DAPK1: variants seen among roughly 807,000 people sequenced by gnomAD.
DAPK1 encodes death-associated protein kinase 1.
Under a neutral mutation model 144.9 loss-of-function variants are expected in DAPK1, and 56 were observed. That is an observed-to-expected ratio of 0.39 (90% CI 0.31 to 0.48). The LOEUF is 0.48. Ranked by LOEUF, DAPK1 falls within the 20% of genes least tolerant of loss-of-function variation. The pLI is 0.95. For missense variants in DAPK1, 1,454 were observed against 1,875.4 expected (o/e 0.78, Z 4.15); for synonymous variants, 690 against 749.0 (o/e 0.92, Z 1.29).
intron 3 of DAPK1, among the ~76,000 whole-genome samples, chr9:87,616,362 A>C (rs1031562656): frequency 6.6e-6 from 1 of 152,184 alleles, no homozygotes; most frequent in Non-Finnish European, 1.5e-5. Flanking sequence ...GGCCCAATAC[A>C]TGGATGTCAA....
chr9:87,634,256 G>A (rs1364956247), intron 3 of DAPK1, among the ~76,000 whole-genome samples: 2 of 152,202 alleles, frequency 1.3e-5, no homozygotes, highest in Non-Finnish European at 2.9e-5. Context: ...AAGTTTGGCA[G>A]GCCCTGTTAT....
At chr9:87,668,793 C>T (rs1831151814) in intron 19 of DAPK1, 119 bp downstream of exon 19, 1 of 745,288 alleles carries the variant, frequency 1.3e-6, no homozygotes, top group African/African-American at 1.7e-5. Context: ...GTTTTAGGAA[C>T]AGTGGTCCCT....
chr9:87,647,001 AAAT>A (rs1830290114), intron 13 of DAPK1, among the ~76,000 whole-genome samples: 1 of 152,264 alleles, frequency 6.6e-6, no homozygotes, highest in Admixed American at 6.5e-5. Flanking sequence ...TACAAACATA[AAAT>A]AATTGTTTAT....
chr9:87,617,997 A>G (rs1487350343), intron 3 of DAPK1, among the ~76,000 whole-genome samples: 1 of 152,174 alleles, frequency 6.6e-6, no homozygotes, highest in Non-Finnish European at 1.5e-5. Context: ...TCTGCCACAG[A>G]AAGAGCTTCT....
At chr9:87,538,589 A>C (rs1825937361) in intron 2 of DAPK1, among the ~76,000 whole-genome samples, 1 of 152,210 alleles carries the variant, frequency 6.6e-6, no homozygotes, top group Admixed American at 6.5e-5. Flanking sequence ...TAGAACAAAA[A>C]TTTGAACAGT....
Position 87,646,847 on chromosome 9 carries a change from T to A in DAPK1, c.1230+288T>A, listed in dbSNP as rs1830283964. ...CACATTTACTCAACAATGTTAGATGTCACACATGAAAAAGTTTTGTTATCT... is the reference window on the plus strand; with the variant it reads ...CACATTTACTCAACAATGTTAGATGACACACATGAAAAAGTTTTGTTATCT... On this transcript the variant is annotated intron_variant, in intron 13 of 25. Coordinates refer to ENST00000408954, the MANE Select transcript of DAPK1 (RefSeq NM_004938.4). Among the ~76,000 whole-genome samples the A allele has an allele frequency of 2.0e-5, 3 of 152,170 alleles. No homozygotes were observed. The South Asian group carries it at 6.2e-4, about 32-fold the overall frequency.
intron 3 of DAPK1, among the ~76,000 whole-genome samples, chr9:87,618,516 G>T (rs1485715276): frequency 1.3e-5 from 2 of 152,166 alleles, no homozygotes; most frequent in Admixed American, 1.3e-4. Context: ...TAGCCAAAAA[G>T]TGGAAACTAA....
chr9:87,592,435 T>C (rs1001790124), intron 2 of DAPK1, among the ~76,000 whole-genome samples: 17 of 152,224 alleles, frequency 1.1e-4, no homozygotes, highest in African/African-American at 4.1e-4. Context: ...TTCCACACTT[T>C]TTTGGAAGCA....
chr9:87,703,942 G>T (rs1825546673), intron 25 of DAPK1, among the ~76,000 whole-genome samples: 1 of 152,172 alleles, frequency 6.6e-6, no homozygotes, highest in Non-Finnish European at 1.5e-5. Context: ...AAGAAGAGCG[G>T]TTCTGAATAT....
intron 3 of DAPK1, chr9:87,632,527 TGAAG>T (rs1829734654): frequency 1.0e-6 from 1 of 975,430 alleles, no homozygotes; most frequent in African/African-American, 1.8e-5. Context: ...TATATAGAAA[TGAAG>T]GAAGATGAGT....
At chr9:87,517,822 C>T (rs919668961) in intron 2 of DAPK1, among the ~76,000 whole-genome samples, 5 of 152,146 alleles carry the variant, frequency 3.3e-5, no homozygotes, top group Non-Finnish European at 5.9e-5. Flanking sequence ...TGATGATTTT[C>T]CCCAAATCTA....
chr9:87,573,847 T>C (rs1827453148), intron 2 of DAPK1, among the ~76,000 whole-genome samples: 1 of 152,246 alleles, frequency 6.6e-6, no homozygotes, highest in Non-Finnish European at 1.5e-5. Context: ...GAAGGTTTCT[T>C]TAGAGATGTT....
intron 18 of DAPK1, among the ~76,000 whole-genome samples, chr9:87,661,130 G>A (rs1409216099): frequency 6.6e-6 from 1 of 152,286 alleles, no homozygotes; most frequent in Non-Finnish European, 1.5e-5. Flanking sequence ...GAGCCACCAC[G>A]CCCAGGCTGA....
chr9:87,505,712 C>T (rs2015780), intron 2 of DAPK1, among the ~76,000 whole-genome samples: 4,019 of 151,176 alleles, frequency 0.027, 84 homozygotes, highest in Non-Finnish European at 0.041. Context: ...TTTTTGGAGA[C>T]GAAGTCTTGC....
chr9:87,608,976 A>T (rs1399569301), intron 3 of DAPK1, among the ~76,000 whole-genome samples: 1 of 152,132 alleles, frequency 6.6e-6, no homozygotes, highest in Non-Finnish European at 1.5e-5. Context: ...TTCTGTGAGG[A>T]TGTTTTTGGG....
chr9:87,598,253 C>G (rs1437325688), intron 2 of DAPK1, among the ~76,000 whole-genome samples: 1 of 152,126 alleles, frequency 6.6e-6, no homozygotes, highest in Non-Finnish European at 1.5e-5. Context: ...ATAACGAGTT[C>G]AAAAGTAGAA....
intron 21 of DAPK1, among the ~76,000 whole-genome samples, chr9:87,691,774 TG>T (rs1263192482): frequency 6.6e-6 from 1 of 152,176 alleles, no homozygotes; most frequent in African/African-American, 2.4e-5. Context: ...TTACTTTCCA[TG>T]TATTTGTACA....
intron 17 of DAPK1, among the ~76,000 whole-genome samples, chr9:87,654,432 T>C (rs1002324680): frequency 6.6e-6 from 1 of 152,242 alleles, no homozygotes; most frequent in African/African-American, 2.4e-5. Flanking sequence ...TGGAAAGTTA[T>C]ACTTTTATGT....
Position 87,706,321 on chromosome 9 carries a change from A to C in DAPK1, c.3250A>C (p.Ile1084Leu). Residue 1084 changes from isoleucine to leucine, a missense_variant, in exon 26 of 26, where the codon ATC (isoleucine) becomes CTC (leucine). Ile to Leu is a conservative substitution (Grantham distance 5, BLOSUM62 2). Around this residue, in one of 2 missense-constraint regions of DAPK1, gnomAD observed 1,025 missense variants for 1,237.9 expected, o/e 0.83. Coordinates refer to ENST00000408954, the MANE Select transcript of DAPK1 (RefSeq NM_004938.4). This position sits in a 1 kb window ranked among gnomAD's most constrained non-coding sequence, Gnocchi z 9.0. ...PDSDVEELLQ[I>L]LDAMDICARD... ...CAGCGACGTGGAGGAGCTGCTGCAG[A>C]TCCTCGATGCCATGGACATCTGCGC... 2 of 1,607,198 alleles carry C rather than the reference A, an allele frequency of 1.2e-6. No individual in the cohort carries two copies. Among genetic ancestry groups the C allele is most frequent in the Non-Finnish European group, 1.7e-6 (2 of 1,175,752 alleles).
Sources: allele counts gnomAD v4.1 joint callset (sites outside exome capture counted in the v4.1 genomes callset), GRCh38; gene constraint gnomAD v4.1.1; regional missense constraint gnomAD v4.1.1; non-coding constraint Gnocchi (gnomAD v3.1); transcripts MANE v1.5; gene names NCBI Gene and HGNC (gene_info 2026-07-23, HGNC 2026-07-21).